Variants in CIAO1 observed in about 807,000 individuals in gnomAD.
CIAO1 encodes the protein cytosolic iron-sulfur assembly component 1, also known as probable cytosolic iron-sulfur protein assembly protein CIAO1.
In CIAO1, 32 loss-of-function variants were observed where a neutral mutation model predicts 43.1. That is an observed-to-expected ratio of 0.74 (90% CI 0.56 to 1.00). The LOEUF (loss-of-function observed/expected upper bound fraction) is 1.00. CIAO1 is among the 50% of genes least tolerant of loss of function. CIAO1 has a pLI of 0.00. For synonymous variants in CIAO1, 183 were observed against 171.4 expected (o/e 1.07, Z -0.53); for missense variants, 415 against 437.4 (o/e 0.95, Z 0.46).
chr2:96,271,444 C>A lies in CIAO1; in HGVS notation c.*93C>A. On this transcript the variant is annotated 3_prime_UTR_variant, in exon 7 of 7. Coordinates refer to ENST00000488633, the MANE Select transcript of CIAO1 (RefSeq NM_004804.3). ...AGAGGACCAGGAGGAGCATCCTTGA[C>A]CTTCATTTAACTTGGCTCACTTCTC... The A allele has an allele frequency of 6.8e-7, 1 of 1,468,152 alleles. No homozygotes were observed. Among genetic ancestry groups the A allele is most frequent in the Non-Finnish European group, 9.2e-7 (1 of 1,092,798 alleles). The allele number at this position is 1,468,152 out of a possible 1,614,324, so 90.9% of individuals were successfully genotyped here. A position where few individuals can be genotyped will look rare whatever the true frequency, so the allele number is the denominator to read the frequency against.
At position 96,274,056 on chromosome 2, in the gene CIAO1, A is replaced by C. The variant is rs1262655599; in HGVS notation, c.*2705A>C. Among the ~76,000 whole-genome samples, 2 of 152,088 alleles carry C rather than the reference A, an allele frequency of 1.3e-5. No individual in the cohort carries two copies. Among genetic ancestry groups the C allele is most frequent in the African/African-American group, 4.8e-5 (2 of 41,428 alleles). On this transcript the variant is annotated 3_prime_UTR_variant, in exon 7 of 7. Transcript: ENST00000488633. ...AAACTCTGTCTCTATTAAGAAAAAAAATGTTAACATTATGATTTAAAAGTG... is the reference window on the plus strand; with the variant it reads ...AAACTCTGTCTCTATTAAGAAAAAACATGTTAACATTATGATTTAAAAGTG...
In CIAO1 at chr2:96,271,189, T is replaced by C; in HGVS notation, c.858T>C (p.Asp286=). 1.2e-6 allele frequency: 2 copies of C among 1,614,208 alleles called. No homozygotes were observed. Among genetic ancestry groups the C allele is most frequent in the Non-Finnish European group, 1.7e-6 (2 of 1,180,022 alleles). ...TGTTTCAGGAGGATCCCAACTCGGA[T>C]CCACAGCAGCCCACCTTCTCCCTGA... ...IRVFQEDPNS[D]PQQPTFSLTA... The change falls in exon 7 of 7, where the codon GAT becomes GAC. Residue 286 remains aspartate (D), a synonymous_variant. Coordinates refer to ENST00000488633, the MANE Select transcript of CIAO1 (RefSeq NM_004804.3).
At position 96,267,310 on chromosome 2, in the gene CIAO1, T is replaced by C. The variant is rs763652881; in HGVS notation, c.140-11T>C. ...CCCAGCTCCAGAGCCTGGCCTGCGC[T>C]CCGCCTTTAGGTGACAGCTGGATCT... On this transcript the variant is annotated splice_polypyrimidine_tract_variant and intron_variant, in intron 1 of 6. Transcript: ENST00000488633. The C allele has an allele frequency of 1.2e-6, 2 of 1,607,098 alleles. No individual in the cohort carries two copies.
chr2:96,272,044 G>A lies in CIAO1; in HGVS notation c.*693G>A, dbSNP rs1207686467. ...GGGATGCAAATTGGTTCTTCAGTAA[G>A]GATAAAAAAAAATCACAAGCAGTTG... On this transcript the variant is annotated 3_prime_UTR_variant, in exon 7 of 7. Coordinates refer to ENST00000488633, the MANE Select transcript of CIAO1 (RefSeq NM_004804.3). 1 of 152,136 alleles carries A rather than the reference G, an allele frequency of 6.6e-6. No individual in the cohort carries two copies. The highest frequency in any genetic ancestry group is 1.5e-5 in the Non-Finnish European group (1 of 68,036). The allele number at this position is 152,136 out of a possible 1,614,324, so 9.4% of individuals were successfully genotyped here. A position where few individuals can be genotyped will look rare whatever the true frequency, so the allele number is the denominator to read the frequency against.
chr2:96,267,582 G>A, intron 2 of CIAO1, 43 bp from the exon 3 acceptor site: 5 of 1,609,972 alleles, frequency 3.1e-6, no homozygotes, highest in Non-Finnish European at 4.3e-6. Context: ...GGGCTTAGGG[G>A]TGTTAGCTGC....
At position 96,269,348 on chromosome 2, in the gene CIAO1, A is replaced by G. The variant is rs200912319; in HGVS notation, c.772A>G (p.Ile258Val). The change falls in exon 6 of 7, where the codon ATT (isoleucine) becomes GTT (valine). Residue 258 changes from isoleucine (I) to valine (V), a missense_variant. Physicochemically the swap from Ile to Val is conservative, Grantham distance 29 (BLOSUM62 3). Transcript: ENST00000488633. Reference protein sequence around the residue: ...SGFHSRTIYDIAWCQLTGALA... With the variant: ...SGFHSRTIYDVAWCQLTGALA... ...CTTCCACTCAAGGACCATTTATGAC[A>G]TTGCTTGGTAAGACTCCATCCCCCC... 40 of 1,613,822 alleles carry G rather than the reference A, an allele frequency of 2.5e-5. No homozygotes were observed. Among genetic ancestry groups the G allele is most frequent in the Non-Finnish European group, 3.2e-5 (38 of 1,179,856 alleles).
rs926590957 is a variant in CIAO1, at chr2:96,266,233, C to T, written c.-118C>T. On this transcript the variant is annotated 5_prime_UTR_variant, in exon 1 of 7. Transcript: ENST00000488633. ...GGCGACCCAGGTCCTCCGGCGGAAG[C>T]GGGAGCCTCTGTCGGCCGCGGAAGC... 69 of 1,169,580 alleles carry T rather than the reference C, an allele frequency of 5.9e-5. No homozygotes were observed. The highest frequency in any genetic ancestry group is 6.4e-5 in the Non-Finnish European group (59 of 916,000). The allele number at this position is 1,169,580 out of a possible 1,614,324, so 72.5% of individuals were successfully genotyped here.
intron 1 of CIAO1, among the ~76,000 whole-genome samples, chr2:96,266,844 G>A (rs1179364090): frequency 1.3e-5 from 2 of 152,166 alleles, no homozygotes; most frequent in Non-Finnish European, 2.9e-5. Context: ...TTAGAAAGAT[G>A]CCTCCAGAGG....
intron 4 of CIAO1, 36 bp downstream of exon 4, chr2:96,267,960 C>G (rs1425516888): frequency 1.3e-6 from 2 of 1,540,390 alleles, no homozygotes; most frequent in Admixed American, 1.7e-5. Flanking sequence ...GGGAAGGGCT[C>G]TGGTGTGCAG....
Position 96,270,414 on chromosome 2 carries a change from A to G in CIAO1, c.780-697A>G, listed in dbSNP as rs12611936. On this transcript the variant is annotated intron_variant, in intron 6 of 6. Coordinates refer to ENST00000488633, the MANE Select transcript of CIAO1 (RefSeq NM_004804.3). ...GCTACTCAGAGGCTGAGGCAGGAGAATCGCTTGAACCCGGGAGGCGGAGGT... is the reference window on the plus strand; with the variant it reads ...GCTACTCAGAGGCTGAGGCAGGAGAGTCGCTTGAACCCGGGAGGCGGAGGT... Among the ~76,000 whole-genome samples the G allele has an allele frequency of 1.4e-3, 213 of 152,254 alleles. 5 individuals are homozygous for G. The East Asian group carries it at 0.035, about 25-fold the overall frequency.
Position 96,266,462 on chromosome 2 carries a change from C to A in CIAO1, c.112C>A (p.Arg38=). Residue 38 remains arginine, a synonymous_variant, in exon 1 of 7, where the codon CGG becomes AGG. Coordinates refer to ENST00000488633, the MANE Select transcript of CIAO1 (RefSeq NM_004804.3). The part of the protein sequence containing the change: ...GTLLASCGGD[R]RIRIWGTEGD... ...CCTGCTGGCCTCGTGCGGCGGCGAC[C>A]GGAGAATCCGCATCTGGGGCACGGA... is the stretch of plus-strand genomic sequence containing the variant. 6.5e-7 allele frequency: 1 copy of A among 1,548,800 alleles called. No individual in the cohort carries two copies. The highest frequency in any genetic ancestry group is 1.8e-5 in the Admixed American group (1 of 56,260).
Position 96,267,683 on chromosome 2 carries a change from C to G in CIAO1, c.347C>G (p.Ser116Cys). The change falls in exon 3 of 7, where the codon TCT (serine) becomes TGT (cysteine). Residue 116 changes from serine to cysteine, a missense_variant. Physicochemically the swap from Ser to Cys is moderately radical, Grantham distance 112. Coordinates refer to ENST00000488633, the MANE Select transcript of CIAO1 (RefSeq NM_004804.3). ...NEVKSVAWAPSGNLLATCSRD... is the reference protein window; with the variant it reads ...NEVKSVAWAPCGNLLATCSRD... ...GTCAAGTCAGTGGCTTGGGCCCCAT[C>G]TGGCAACCTCCTGGCCACTTGCAGC... 2 of 1,614,184 alleles carry G rather than the reference C, an allele frequency of 1.2e-6. No homozygotes were observed. Among genetic ancestry groups the G allele is most frequent in the Non-Finnish European group, 1.7e-6 (2 of 1,180,044 alleles).
rs1345262715 is a variant in CIAO1, at chr2:96,274,087, A to C, written c.*2736A>C. ...AACATTATGATTTAAAAGTGCATTA[A>C]CCTTAATCTAGATAATAAAAGCTTT... is the stretch of plus-strand genomic sequence containing the variant. On this transcript the variant is annotated 3_prime_UTR_variant, in exon 7 of 7. Coordinates refer to ENST00000488633, the MANE Select transcript of CIAO1 (RefSeq NM_004804.3). Among the ~76,000 whole-genome samples, 1 of 151,898 alleles carries C rather than the reference A, an allele frequency of 6.6e-6. No individual in the cohort carries two copies. Among genetic ancestry groups the C allele is most frequent in the Non-Finnish European group, 1.5e-5 (1 of 67,990 alleles).
In CIAO1 at chr2:96,267,607, T is replaced by C; in HGVS notation, c.289-18T>C. The C allele has an allele frequency of 6.2e-7, 1 of 1,613,108 alleles. No homozygotes were observed. Reference sequence around the variant, plus strand: ...GTGTTAGCTGCTGTTAATTCTCATTTTCTTTCCCCTTTCACAGTGTGTAAC... The same window carrying C: ...GTGTTAGCTGCTGTTAATTCTCATTCTCTTTCCCCTTTCACAGTGTGTAAC... On this transcript the variant is annotated intron_variant, in intron 2 of 6. Transcript: ENST00000488633.
At chr2:96,268,838 T>C (rs1684487675) in intron 5 of CIAO1, 180 bp downstream of exon 5, 1 of 611,274 alleles carries the variant, frequency 1.6e-6, no homozygotes, top group South Asian at 2.0e-5. Flanking sequence ...CATCTGAATT[T>C]AAAAGGGTAT....
At chr2:96,270,970 C>A (rs1684538687) in intron 6 of CIAO1, 141 bp from the exon 7 acceptor site, 1 of 980,108 alleles carries the variant, frequency 1.0e-6, no homozygotes. Flanking sequence ...ATTTGTGACT[C>A]CTTATTAGTT....
chr2:96,267,486 G>T lies in CIAO1; in HGVS notation c.288+17G>T. 1 of 1,613,342 alleles carries T rather than the reference G, an allele frequency of 6.2e-7. No homozygotes were observed. Among genetic ancestry groups the T allele is most frequent in the Middle Eastern group, 1.7e-4 (1 of 6,060 alleles). ...GACTTTGAGGTACCCAGGCTGGTTG[G>T]GACCAGAATTATTGCCTGTTTCCTC... On this transcript the variant is annotated intron_variant, in intron 2 of 6. Coordinates refer to ENST00000488633, the MANE Select transcript of CIAO1 (RefSeq NM_004804.3).
In CIAO1 at chr2:96,271,321, C is replaced by G; in HGVS notation, c.990C>G (p.Phe330Leu). ...ASCSDDGEVA[F>L]WKYQRPEGL ...GCAGTGATGATGGGGAGGTGGCCTT[C>G]TGGAAGTATCAGCGGCCTGAAGGCC... Residue 330 changes from phenylalanine (F) to leucine (L), a missense_variant, in exon 7 of 7, where the codon TTC (phenylalanine) becomes TTG (leucine). Coordinates refer to ENST00000488633, the MANE Select transcript of CIAO1 (RefSeq NM_004804.3). 6.2e-7 allele frequency: 1 copy of G among 1,614,168 alleles called. No homozygotes were observed. Among genetic ancestry groups the G allele is most frequent in the Non-Finnish European group, 8.5e-7 (1 of 1,180,038 alleles).
chr2:96,273,270 A>AGAT lies in CIAO1; in HGVS notation c.*1920_*1922dup, dbSNP rs1157299978. 1.2e-4 allele frequency: 19 copies of AGAT among 152,378 alleles called. No individual in the cohort carries two copies. The highest frequency in any genetic ancestry group is 4.3e-4 in the African/African-American group (18 of 41,598). 9.4% of individuals were successfully genotyped at this position (152,378 alleles called of 1,614,324 possible). On this transcript the variant is annotated 3_prime_UTR_variant, in exon 7 of 7. Coordinates refer to ENST00000488633, the MANE Select transcript of CIAO1 (RefSeq NM_004804.3). ...TGTTACAAAATCATGCATGGCTCAA[A>AGAT]GATTGATTCAAAAGTGTAAGACAGG...
Sources: allele counts gnomAD v4.1 joint callset (sites outside exome capture counted in the v4.1 genomes callset), GRCh38; gene constraint gnomAD v4.1.1; transcripts MANE v1.5; gene names NCBI Gene and HGNC (gene_info 2026-07-23, HGNC 2026-07-21).